Variants in HOOK1 observed in about 807,000 individuals in gnomAD.
The protein encoded by HOOK1 is protein Hook homolog 1.
Under a neutral mutation model 112.8 loss-of-function variants are expected in HOOK1, and 60 were observed. The ratio of observed to expected loss-of-function variants is 0.53; its 90% CI spans 0.43 to 0.66. The LOEUF (loss-of-function observed/expected upper bound fraction) is 0.66. Among genes scored for constraint, HOOK1 ranks in the 30% least tolerant of loss-of-function variants. The pLI, the probability that HOOK1 is intolerant of heterozygous loss-of-function variation, is 0.00. For synonymous variants in HOOK1, 294 were observed against 283.8 expected (o/e 1.04, Z -0.36); for missense variants, 770 against 856.0 (o/e 0.90, Z 1.25).
At chr1:59,826,909 T>C (rs2098390369) in intron 2 of HOOK1, among the ~76,000 whole-genome samples, 1 of 152,170 alleles carries the variant, frequency 6.6e-6, no homozygotes. Flanking sequence ...ATTACAGGCA[T>C]GTGCCACCAT....
chr1:59,875,365 T>TGTAA lies in HOOK1; in HGVS notation c.*2404_*2407dup, dbSNP rs1574234341. 1 of 152,626 alleles carries TGTAA rather than the reference T, an allele frequency of 6.6e-6. No homozygotes were observed. Among genetic ancestry groups the TGTAA allele is most frequent in the Non-Finnish European group, 1.5e-5 (1 of 67,990 alleles). 9.5% of individuals were successfully genotyped at this position (152,626 alleles called of 1,614,324 possible). A position where few individuals can be genotyped will look rare whatever the true frequency, so the allele number is the denominator to read the frequency against. On this transcript the variant is annotated 3_prime_UTR_variant, in exon 22 of 22. Coordinates refer to ENST00000371208, the MANE Select transcript of HOOK1 (RefSeq NM_015888.6). Reference sequence around the variant, plus strand: ...TAAGTAGGATTCAAAACGTTTGATATGTAAGTATTTATATAAGACTAATGT... The same window carrying TGTAA: ...TAAGTAGGATTCAAAACGTTTGATATGTAAGTAAGTATTTATATAAGACTAATGT...
chr1:59,835,299 G>A (rs775080548), intron 5 of HOOK1, 46 bp from the exon 6 acceptor site: 3 of 1,007,674 alleles, frequency 3.0e-6, no homozygotes, highest in Non-Finnish European at 4.7e-6. Context: ...AAGGTACTAT[G>A]TGTAAAGAGT....
At chr1:59,870,884 C>T in intron 20 of HOOK1, 158 bp from the exon 21 acceptor site, 1 of 571,440 alleles carries the variant, frequency 1.7e-6, no homozygotes, top group South Asian at 2.2e-5. Context: ...GTTGGGCATG[C>T]ATTTGTGCTT....
intron 2 of HOOK1, among the ~76,000 whole-genome samples, chr1:59,824,004 G>A (rs1335019539): frequency 6.6e-6 from 1 of 152,020 alleles, no homozygotes; most frequent in Non-Finnish European, 1.5e-5. Flanking sequence ...AGGTGTCTGA[G>A]CCTCCTTATC....
At chr1:59,861,785 A>G (rs1360032880) in intron 15 of HOOK1, among the ~76,000 whole-genome samples, 2 of 152,200 alleles carry the variant, frequency 1.3e-5, no homozygotes, top group East Asian at 3.8e-4. Context: ...ATTTGGATTT[A>G]TTTAACCTTT....
At chr1:59,851,495 G>A (rs139612848) in intron 12 of HOOK1, among the ~76,000 whole-genome samples, 190 of 151,644 alleles carry the variant, frequency 1.3e-3, no homozygotes, top group African/African-American at 4.5e-3. Flanking sequence ...ATTTGATGGA[G>A]TTTTGTGCAT....
chr1:59,846,967 T>C, intron 9 of HOOK1, 78 bp from the exon 10 acceptor site: 1 of 1,145,178 alleles, frequency 8.7e-7, no homozygotes. Flanking sequence ...CATTTGCATA[T>C]ATAGTCATGC....
intron 19 of HOOK1, among the ~76,000 whole-genome samples, chr1:59,867,317 C>T (rs1009531171): frequency 6.6e-6 from 1 of 152,132 alleles, no homozygotes; most frequent in Non-Finnish European, 1.5e-5. Flanking sequence ...GGTGTGCATT[C>T]CATGAGGGTA....
intron 10 of HOOK1, 141 bp downstream of exon 10, chr1:59,847,326 T>G (rs1226974123): frequency 2.9e-6 from 2 of 699,700 alleles, no homozygotes; most frequent in Admixed American, 6.8e-5. Context: ...GCTGATAGTT[T>G]TAACTTCTTT....
In HOOK1 at chr1:59,836,869, C is replaced by G; in HGVS notation, c.475-4C>G. 6.7e-7 allele frequency: 1 copy of G among 1,501,944 alleles called. No homozygotes were observed. The highest frequency in any genetic ancestry group is 9.2e-7 in the Non-Finnish European group (1 of 1,088,862). 93.0% of individuals were successfully genotyped at this position (1,501,944 alleles called of 1,614,324 possible). On this transcript the variant is annotated splice_polypyrimidine_tract_variant and splice_region_variant and intron_variant, in intron 6 of 21. Transcript: ENST00000371208. ...TACTTAATTTTATTATTTTAATTTC[C>G]TAGTTGATGAGTAAAGAAATATTGA...
intron 1 of HOOK1, 31 bp from the exon 2 acceptor site, chr1:59,821,826 GC>G: frequency 6.9e-7 from 1 of 1,453,966 alleles, no homozygotes. Flanking sequence ...GTATAAAGAA[GC>G]AGTAAGATCA....
At chr1:59,855,501 A>G (rs2098409981) in intron 12 of HOOK1, among the ~76,000 whole-genome samples, 1 of 152,124 alleles carries the variant, frequency 6.6e-6, no homozygotes, top group Non-Finnish European at 1.5e-5. Flanking sequence ...TCCATGGTGT[A>G]TATGTACCAC....
intron 1 of HOOK1, among the ~76,000 whole-genome samples, chr1:59,819,048 CT>C: frequency 6.6e-6 from 1 of 150,836 alleles, no homozygotes; most frequent in East Asian, 2.0e-4. Flanking sequence ...GAAACCCTGT[CT>C]GTCTTTTTTG....
chr1:59,825,446 G>T (rs1472394259), intron 2 of HOOK1, among the ~76,000 whole-genome samples: 1 of 152,048 alleles, frequency 6.6e-6, no homozygotes, highest in Non-Finnish European at 1.5e-5. Context: ...GCATTTATTT[G>T]CTTATTCATT....
chr1:59,846,960 T>A (rs2098404390), intron 9 of HOOK1, 85 bp from the exon 10 acceptor site: 2 of 1,010,178 alleles, frequency 2.0e-6, no homozygotes, highest in Non-Finnish European at 2.9e-6. Context: ...ATATATGCAT[T>A]TGCATATATA....
At chr1:59,853,893 ATCT>A (rs943126120) in intron 12 of HOOK1, among the ~76,000 whole-genome samples, 3 of 149,744 alleles carry the variant, frequency 2.0e-5, no homozygotes, top group African/African-American at 7.4e-5. Flanking sequence ...ATGCTGTTAC[ATCT>A]TTATAGATTA....
chr1:59,842,339 G>A (rs1377788530), intron 8 of HOOK1, among the ~76,000 whole-genome samples: 1 of 151,906 alleles, frequency 6.6e-6, no homozygotes, highest in Non-Finnish European at 1.5e-5. Context: ...ATTCTTTTTT[G>A]TATCTGAATC....
At chr1:59,871,209 A>G in intron 21 of HOOK1, 99 bp downstream of exon 21, 3 of 734,916 alleles carry the variant, frequency 4.1e-6, no homozygotes, top group Non-Finnish European at 6.9e-6. Context: ...ATCTTATACC[A>G]TAAACCAAGA....
intron 20 of HOOK1, among the ~76,000 whole-genome samples, chr1:59,869,891 A>C (rs1644028469): frequency 6.6e-6 from 1 of 152,210 alleles, no homozygotes; most frequent in Non-Finnish European, 1.5e-5. Flanking sequence ...ATGTACTTCA[A>C]ACTCATGAAT....
Sources: allele counts gnomAD v4.1 joint callset (sites outside exome capture counted in the v4.1 genomes callset), GRCh38; gene constraint gnomAD v4.1.1; transcripts MANE v1.5; gene names NCBI Gene and HGNC (gene_info 2026-07-23, HGNC 2026-07-21).